NAV2: variants seen among roughly 807,000 people sequenced by gnomAD.
NAV2 encodes neuron navigator 2, also known as helicase, APC down-regulated 1.
A neutral mutation model predicts 223.2 loss-of-function variants in NAV2; 54 were observed. The observed-to-expected ratio is 0.24, with a 90% CI of 0.19 to 0.30. NAV2 has a LOEUF of 0.30. Among genes scored for constraint, NAV2 ranks in the 10% least tolerant of loss-of-function variants. The pLI, the probability that NAV2 is intolerant of heterozygous loss-of-function variation, is 1.00. For synonymous variants in NAV2, 1,279 were observed against 1,239.3 expected, an observed-to-expected ratio of 1.03 and a Z score of -0.67; for missense variants, 2,806 against 3,147.5, an observed-to-expected ratio of 0.89 and a Z score of 2.60.
chr11:19,884,375 C>T lies in NAV2; in HGVS notation c.770+4248C>T, dbSNP rs753108624. ...AAAAGATCTCTAGGTTAGACTTTCTCTGTGTCCTGCAAAGCATGGTTTAAT... is the reference window on the plus strand; with the variant it reads ...AAAAGATCTCTAGGTTAGACTTTCTTTGTGTCCTGCAAAGCATGGTTTAAT... On this transcript the variant is annotated intron_variant, in intron 5 of 37. Coordinates refer to ENST00000349880, the MANE Select transcript of NAV2 (RefSeq NM_145117.5). The T allele has an allele frequency of 3.1e-6, 5 of 1,608,532 alleles. No homozygotes were observed. In the South Asian group the frequency reaches 3.3e-5, roughly 11 times the overall value.
intron 1 of NAV2, among the ~76,000 whole-genome samples, chr11:19,742,541 C>A (rs1246025081): frequency 6.6e-6 from 1 of 152,168 alleles, no homozygotes; most frequent in Non-Finnish European, 1.5e-5. Context: ...ACGTGAGGCG[C>A]TCCAGGTAAG....
chr11:19,450,799 A>G (rs1851764568), intron 1 of NAV2, among the ~76,000 whole-genome samples: 1 of 152,160 alleles, frequency 6.6e-6, no homozygotes, highest in Non-Finnish European at 1.5e-5. Flanking sequence ...ACCAAATGGC[A>G]TGGATTTTCT....
intron 1 of NAV2, chr11:19,777,769 T>G: frequency 2.3e-6 from 1 of 436,834 alleles, no homozygotes; most frequent in Non-Finnish European, 4.6e-6. Flanking sequence ...CTGCATTATC[T>G]CTCCGTCCCT....
chr11:20,055,157 A>G (rs2058289056), intron 18 of NAV2, among the ~76,000 whole-genome samples: 2 of 152,238 alleles, frequency 1.3e-5, no homozygotes, highest in South Asian at 4.1e-4. Flanking sequence ...CTTGTAATCA[A>G]GTGAGGTTTA....
intron 4 of NAV2, among the ~76,000 whole-genome samples, chr11:19,878,020 G>A (rs1056320771): frequency 2.0e-5 from 3 of 152,124 alleles, no homozygotes; most frequent in Non-Finnish European, 2.9e-5. Flanking sequence ...CATGGCTGAA[G>A]GATTAAAGCT....
chr11:19,836,099 C>T (rs1187819881), intron 2 of NAV2, among the ~76,000 whole-genome samples: 1 of 152,176 alleles, frequency 6.6e-6, no homozygotes, highest in African/African-American at 2.4e-5. Context: ...GAATTTTATT[C>T]ACTACCAGCC....
At chr11:19,710,738 G>T (rs1361900757), upstream of NAV2, among the ~76,000 whole-genome samples, 1 of 152,232 alleles carries the variant, frequency 6.6e-6, no homozygotes, top group African/African-American at 2.4e-5. Context: ...GTCAGAACTA[G>T]AATTCAGGGC....
At position 19,519,830 on chromosome 11, in the gene NAV2, C is replaced by T. The variant is rs1254242501; in HGVS notation, c.75+168803C>T. 3 of 151,730 alleles carry T rather than the reference C, an allele frequency of 2.0e-5. No individual in the cohort carries two copies. In the East Asian group the frequency reaches 5.8e-4, roughly 29 times the overall value. The allele number at this position is 151,730 out of a possible 1,614,324, so 9.4% of individuals were successfully genotyped here. On this transcript the variant is annotated intron_variant, in intron 1 of 37. Coordinates refer to the NAV2 transcript ENST00000360655. ...GTGATCACCAGAGGAGTGATGATTC[C>T]ACAAACACCAACTGGGCCTCTCAGG... is the stretch of plus-strand genomic sequence containing the variant.
At chr11:19,553,757 C>T (rs1418363691) in intron 1 of NAV2, among the ~76,000 whole-genome samples, 1 of 152,252 alleles carries the variant, frequency 6.6e-6, no homozygotes, top group African/African-American at 2.4e-5. Context: ...CAGGTCTGGC[C>T]ATTCCCTTTC....
intron 1 of NAV2, among the ~76,000 whole-genome samples, chr11:19,407,697 C>T (rs2133366745): frequency 6.6e-6 from 1 of 151,898 alleles, no homozygotes; most frequent in East Asian, 2.0e-4. Context: ...CCCATAGCCC[C>T]CGCATGCCCC....
intron 10 of NAV2, among the ~76,000 whole-genome samples, chr11:19,967,977 A>G (rs2153422476): frequency 6.6e-6 from 1 of 152,202 alleles, no homozygotes; most frequent in South Asian, 2.1e-4. Flanking sequence ...TGTTTAACCC[A>G]TGACTCCTTC....
At chr11:19,514,614 C>T (rs2043384515) in intron 1 of NAV2, among the ~76,000 whole-genome samples, 1 of 152,128 alleles carries the variant, frequency 6.6e-6, no homozygotes, top group Non-Finnish European at 1.5e-5. Flanking sequence ...AGGGGATGGT[C>T]CCTAAATCCA....
intron 1 of NAV2, among the ~76,000 whole-genome samples, chr11:19,813,091 T>G (rs1464246546): frequency 6.6e-6 from 1 of 152,226 alleles, no homozygotes; most frequent in Admixed American, 6.5e-5. Flanking sequence ...AACTCTTCTT[T>G]GCAGGAGTGA....
chr11:19,433,914 G>A (rs1851120709), intron 1 of NAV2, among the ~76,000 whole-genome samples: 1 of 152,254 alleles, frequency 6.6e-6, no homozygotes, highest in African/African-American at 2.4e-5. Flanking sequence ...GCTGGCTGCT[G>A]TAAGAGATGA....
In NAV2 at chr11:19,948,744, G is replaced by T; in HGVS notation, c.2309G>T (p.Ser770Ile). 6.2e-7 allele frequency: 1 copy of T among 1,608,830 alleles called. No individual in the cohort carries two copies. The change falls in exon 10 of 38, where the codon AGC becomes ATC. Residue 770 changes from serine (S) to isoleucine (I), a missense_variant. This residue lies in a region of NAV2 where 1,167 missense variants were observed against 1,180.5 expected (regional missense o/e 0.99). Transcript: ENST00000349880. ...TNVTTEMSGRSILSLTGRPTP... is the reference protein window; with the variant it reads ...TNVTTEMSGRIILSLTGRPTP... Reference sequence around the variant, plus strand: ...GTCACCACGGAGATGAGTGGCCGTAGCATACTCAGCTTGACAGGGAGGCCC... The same window carrying T: ...GTCACCACGGAGATGAGTGGCCGTATCATACTCAGCTTGACAGGGAGGCCC...
Position 20,077,320 on chromosome 11 carries a change from G to C in NAV2, c.4984-232G>C, listed in dbSNP as rs12280567. ...GAGAGGGAAGAACATTTCAGGTAGAGGGGAAAAGATGTACAAGGGCCCTAA... is the reference window on the plus strand; with the variant it reads ...GAGAGGGAAGAACATTTCAGGTAGACGGGAAAAGATGTACAAGGGCCCTAA... On this transcript the variant is annotated intron_variant, in intron 22 of 37. Transcript: ENST00000349880. Among the ~76,000 whole-genome samples, 437 of 152,216 alleles carry C rather than the reference G, an allele frequency of 2.9e-3. 3 individuals are homozygous for C. The highest frequency in any genetic ancestry group is 0.01 in the African/African-American group (425 of 41,528).
chr11:19,620,755 C>A (rs947094921), intron 1 of NAV2, among the ~76,000 whole-genome samples: 1 of 152,074 alleles, frequency 6.6e-6, no homozygotes, highest in South Asian at 2.1e-4. Flanking sequence ...CTTTTATTTC[C>A]TTCTCCTGCC....
At chr11:19,695,614 A>G (rs2049308043) in intron 1 of NAV2, among the ~76,000 whole-genome samples, 1 of 152,176 alleles carries the variant, frequency 6.6e-6, no homozygotes, top group African/African-American at 2.4e-5. Context: ...GTCTAAAGAC[A>G]CTGGATGGGC....
intron 1 of NAV2, among the ~76,000 whole-genome samples, chr11:19,751,725 C>T (rs1486314524): frequency 4.6e-5 from 7 of 152,286 alleles, no homozygotes; most frequent in East Asian, 3.9e-4. Flanking sequence ...TTTCAAAGCA[C>T]GTATTTGCTT....
Sources: gnomAD v4.1 joint callset for allele counts (sites outside exome capture counted in the v4.1 genomes callset) on GRCh38, gnomAD v4.1.1 for gene constraint, gnomAD v4.1.1 regional missense constraint, MANE v1.5 for transcripts, NCBI Gene and HGNC (gene_info 2026-07-23, HGNC 2026-07-21) for gene names.